DPP10: variants seen among roughly 807,000 people sequenced by gnomAD.
DPP10 encodes inactive dipeptidyl peptidase 10.
A neutral mutation model predicts 120.9 loss-of-function variants in DPP10; 33 were observed. The ratio of observed to expected loss-of-function variants is 0.27; its 90% CI spans 0.21 to 0.37. DPP10 has a LOEUF of 0.37. Among genes scored for constraint, DPP10 ranks in the 10% least tolerant of loss-of-function variants. The probability of loss-of-function intolerance (pLI) is 1.00; values close to 1 mark genes in which losing one functional copy is unlikely to be tolerated. For synonymous variants in DPP10, 337 were observed against 326.1 expected (o/e 1.03, Z -0.36); for missense variants, 816 against 942.8 (o/e 0.87, Z 1.76).
chr2:114,739,636 G>A (rs767155822), intron 1 of DPP10, among the ~76,000 whole-genome samples: 7 of 152,110 alleles, frequency 4.6e-5, no homozygotes, highest in Non-Finnish European at 8.8e-5. Flanking sequence ...TCCAGCCTGG[G>A]TGACAGAGCA....
chr2:114,569,204 T>C (rs1190615148), intron 1 of DPP10, among the ~76,000 whole-genome samples: 1 of 150,530 alleles, frequency 6.6e-6, no homozygotes, highest in African/African-American at 2.5e-5. Context: ...AAGTGTAGAT[T>C]TTAGTTACTA....
At chr2:115,660,655 C>CTTTTTTTATTTTTTTTTTTTTTTTTTT (rs2088852540) in intron 5 of DPP10, among the ~76,000 whole-genome samples, 1 of 25,314 alleles carries the variant, frequency 4.0e-5, no homozygotes, top group African/African-American at 9.5e-5. Context: ...CTCTGTCTGG[C>CTTTTTTTATTTTTTTTTTTTTTTTTTT]TTTTTTTTTT....
At chr2:114,750,473 A>C (rs1679104114) in intron 1 of DPP10, among the ~76,000 whole-genome samples, 1 of 152,086 alleles carries the variant, frequency 6.6e-6, no homozygotes. Context: ...AGCTGGGACC[A>C]CAGGCGCCTG....
intron 1 of DPP10, among the ~76,000 whole-genome samples, chr2:114,853,482 C>T (rs1488608503): frequency 6.6e-6 from 1 of 151,928 alleles, no homozygotes; most frequent in Non-Finnish European, 1.5e-5. Context: ...CACTGAAGTT[C>T]ACCCATGGCC....
At chr2:115,714,847 G>T (rs1368549646) in intron 7 of DPP10, among the ~76,000 whole-genome samples, 1 of 152,068 alleles carries the variant, frequency 6.6e-6, no homozygotes, top group Non-Finnish European at 1.5e-5. Flanking sequence ...GGCCAAGATG[G>T]TGAAACCCTG....
At chr2:114,899,175 A>AAT (rs1011646065) in intron 1 of DPP10, among the ~76,000 whole-genome samples, 3 of 151,786 alleles carry the variant, frequency 2.0e-5, no homozygotes, top group South Asian at 2.1e-4. Flanking sequence ...TCTATATATG[A>AAT]ATATATATAT....
chr2:115,238,880 A>G (rs1389343106), intron 1 of DPP10, among the ~76,000 whole-genome samples: 1 of 152,130 alleles, frequency 6.6e-6, no homozygotes, highest in Non-Finnish European at 1.5e-5. Flanking sequence ...AACTCACACG[A>G]TCACAAGGTC....
chr2:114,852,151 CTTTTTTTTTT>C (rs34580352), intron 1 of DPP10, among the ~76,000 whole-genome samples: 4 of 53,730 alleles, frequency 7.4e-5, no homozygotes, highest in African/African-American at 2.5e-4. Context: ...CGATTGCATC[CTTTTTTTTTT>C]TTTTTTTTTT....
At chr2:115,190,195 TATTA>T (rs1261614036) in intron 1 of DPP10, among the ~76,000 whole-genome samples, 1 of 152,224 alleles carries the variant, frequency 6.6e-6, no homozygotes, top group Non-Finnish European at 1.5e-5. Flanking sequence ...ACTATGTTCT[TATTA>T]ATTGTCACCC....
chr2:115,561,627 C>A (rs1380654810), intron 5 of DPP10, among the ~76,000 whole-genome samples: 1 of 151,960 alleles, frequency 6.6e-6, no homozygotes, highest in Non-Finnish European at 1.5e-5. Context: ...ATTTTTCTTA[C>A]AAATTCATTA....
chr2:115,768,734 T>G (rs1182382544), intron 13 of DPP10, among the ~76,000 whole-genome samples: 1 of 152,154 alleles, frequency 6.6e-6, no homozygotes, highest in East Asian at 1.9e-4. Flanking sequence ...TCAATGAACA[T>G]ATATATAACC....
At chr2:115,272,500 GA>G (rs2059740351) in intron 1 of DPP10, among the ~76,000 whole-genome samples, 1 of 152,178 alleles carries the variant, frequency 6.6e-6, no homozygotes, top group Non-Finnish European at 1.5e-5. Flanking sequence ...AAAGAAAATA[GA>G]ATCAAGATTA....
intron 1 of DPP10, among the ~76,000 whole-genome samples, chr2:114,919,052 AAAG>A (rs1695013335): frequency 1.4e-5 from 2 of 147,276 alleles, no homozygotes; most frequent in African/African-American, 4.9e-5. Flanking sequence ...AAAAAAAAAA[AAAG>A]ACCTTTCTGA....
At chr2:114,751,311 A>G (rs1679195078) in intron 1 of DPP10, among the ~76,000 whole-genome samples, 1 of 152,212 alleles carries the variant, frequency 6.6e-6, no homozygotes. Context: ...TGCTTTTGCT[A>G]GTTACAAAGC....
At chr2:114,987,409 A>G (rs1479101666) in intron 1 of DPP10, among the ~76,000 whole-genome samples, 19 of 152,012 alleles carry the variant, frequency 1.2e-4, no homozygotes, top group Non-Finnish European at 2.2e-4. Context: ...TCCACTTTTG[A>G]GGGATTTTTT....
chr2:114,720,371 A>G (rs1422309659), intron 1 of DPP10, among the ~76,000 whole-genome samples: 9 of 152,332 alleles, frequency 5.9e-5, no homozygotes, highest in African/African-American at 2.2e-4. Flanking sequence ...AACAAGAGCT[A>G]GTAGTGACAG....
chr2:114,682,766 G>GTCTA (rs1485728026), intron 1 of DPP10, among the ~76,000 whole-genome samples: 2 of 140,550 alleles, frequency 1.4e-5, no homozygotes, highest in East Asian at 2.0e-4. Flanking sequence ...CTATCTATCT[G>GTCTA]TCTGTCTATC....
chr2:115,331,538 A>G (rs979679233), intron 2 of DPP10, among the ~76,000 whole-genome samples: 1 of 152,196 alleles, frequency 6.6e-6, no homozygotes, highest in Non-Finnish European at 1.5e-5. Context: ...TTGCCCATTC[A>G]GTATGATATT....
chr2:115,649,598 T>A (rs984562050), intron 5 of DPP10, among the ~76,000 whole-genome samples: 3 of 152,044 alleles, frequency 2.0e-5, no homozygotes, highest in Non-Finnish European at 2.9e-5. Context: ...AAAAATAATC[T>A]TTGGGGTTAA....
Sources: gnomAD v4.1 joint callset for allele counts (sites outside exome capture counted in the v4.1 genomes callset) on GRCh38, gnomAD v4.1.1 for gene constraint, MANE v1.5 for transcripts, NCBI Gene and HGNC (gene_info 2026-07-23, HGNC 2026-07-21) for gene names.